Variants in ANK3 observed in about 807,000 individuals in gnomAD.
ANK3 encodes ankyrin-3.
Under a neutral mutation model 370.9 loss-of-function variants are expected in ANK3, and 57 were observed. The ratio of observed to expected loss-of-function variants is 0.15; its 90% CI spans 0.12 to 0.19. The LOEUF (loss-of-function observed/expected upper bound fraction) is 0.19. ANK3 is among the 10% of genes least tolerant of loss of function. The pLI is 1.00. For missense variants in ANK3, 4,439 were observed against 5,302.1 expected (o/e 0.84, Z 5.06); for synonymous variants, 1,929 against 1,946.3 (o/e 0.99, Z 0.23).
intron 1 of ANK3, among the ~76,000 whole-genome samples, chr10:60,324,602 C>A (rs534386265): frequency 1.3e-5 from 2 of 152,236 alleles, no homozygotes; most frequent in South Asian, 4.2e-4. Flanking sequence ...AATGGCCAGT[C>A]AGCTGCAGTT....
intron 1 of ANK3, among the ~76,000 whole-genome samples, chr10:60,315,951 A>G (rs779839817): frequency 2.6e-5 from 4 of 152,318 alleles, no homozygotes; most frequent in African/African-American, 7.2e-5. Flanking sequence ...AAATCTCCTC[A>G]GCTTTTACTC....
chr10:60,054,153 T>C (rs745539250), intron 42 of ANK3, among the ~76,000 whole-genome samples: 1 of 152,234 alleles, frequency 6.6e-6, no homozygotes, highest in Non-Finnish European at 1.5e-5. Flanking sequence ...TGTGTTTGTA[T>C]AGAAATTTGC....
At chr10:60,462,746 C>T (rs376201255) in intron 2 of ANK3, among the ~76,000 whole-genome samples, 5 of 151,862 alleles carry the variant, frequency 3.3e-5, no homozygotes, top group Admixed American at 6.6e-5. Context: ...CCTCACCCCC[C>T]GAGATTCCAA....
At chr10:60,205,462 C>G (rs1167613200) in intron 11 of ANK3, among the ~76,000 whole-genome samples, 1 of 152,142 alleles carries the variant, frequency 6.6e-6, no homozygotes, top group Non-Finnish European at 1.5e-5. Context: ...CTAAACGCCC[C>G]TTGGGGGACA....
rs1564785475 is a variant in ANK3, at chr10:60,072,139, TGA to T, written c.8740_8741del (p.Ser2914ArgfsTer3). 1 of 1,613,848 alleles carries T rather than the reference TGA, an allele frequency of 6.2e-7. No individual in the cohort carries two copies. Among genetic ancestry groups the T allele is most frequent in the African/African-American group, 1.3e-5 (1 of 74,934 alleles). On this transcript the variant is annotated frameshift_variant, in exon 37 of 44. Coordinates refer to ENST00000280772, the MANE Select transcript of ANK3 (RefSeq NM_020987.5). LOFTEE classifies it high-confidence loss of function. ...ATTTTACAGTCATTTCTTTAATTTC[TGA>T]GAGAGAGCCGTTTGTTAACAATTTG... ...ERKLLTNGSL[S>X]EIKEMTVKSP...
intron 25 of ANK3, among the ~76,000 whole-genome samples, chr10:60,116,117 A>G (rs2132118446): frequency 6.6e-6 from 1 of 152,282 alleles, no homozygotes; most frequent in African/African-American, 2.4e-5. Flanking sequence ...ATCCCCTGCC[A>G]TCACTACCAC....
At chr10:60,448,977 A>G (rs922913689) in intron 2 of ANK3, among the ~76,000 whole-genome samples, 8 of 152,348 alleles carry the variant, frequency 5.3e-5, no homozygotes, top group African/African-American at 1.7e-4. Context: ...CTCTTCATTC[A>G]TAACAAATGT....
At position 60,718,614 on chromosome 10, in the gene ANK3, T is replaced by C. The variant is rs1281784053; in HGVS notation, c.57+14649A>G. 3.3e-5 allele frequency among the ~76,000 whole-genome samples: 5 copies of C among 152,176 alleles called. No homozygotes were observed. In the East Asian group the frequency reaches 9.6e-4, roughly 29 times the overall value. On this transcript the variant is annotated intron_variant, in intron 1 of 43. Coordinates refer to the ANK3 transcript ENST00000373827. Reference sequence around the variant, plus strand: ...ACAAAAACTATATGCTCCAGCTCAGTTCCAAATGTAATTTCTAAACAGTAG... The same window carrying C: ...ACAAAAACTATATGCTCCAGCTCAGCTCCAAATGTAATTTCTAAACAGTAG...
At chr10:60,542,248 C>G (rs932092891) in intron 2 of ANK3, among the ~76,000 whole-genome samples, 2 of 151,746 alleles carry the variant, frequency 1.3e-5, no homozygotes, top group African/African-American at 4.8e-5. Context: ...TGAGTCTGCA[C>G]CCTCAGAAAC....
chr10:60,548,205 CCTTTT>C (rs1482100615), intron 2 of ANK3, among the ~76,000 whole-genome samples: 6 of 125,814 alleles, frequency 4.8e-5, no homozygotes, highest in East Asian at 2.5e-4. Flanking sequence ...TTAAATATTT[CCTTTT>C]TTTTTTTTTT....
At chr10:60,275,505 T>C (rs2098076012) in intron 4 of ANK3, among the ~76,000 whole-genome samples, 2 of 152,192 alleles carry the variant, frequency 1.3e-5, no homozygotes, top group African/African-American at 4.8e-5. Flanking sequence ...TTAACTAAGA[T>C]GTTAAGGGTA....
chr10:60,451,633 T>G (rs756976035), intron 2 of ANK3, among the ~76,000 whole-genome samples: 4 of 152,202 alleles, frequency 2.6e-5, no homozygotes, highest in Non-Finnish European at 4.4e-5. Flanking sequence ...CATCCCCAAC[T>G]GCCTATACCT....
intron 2 of ANK3, among the ~76,000 whole-genome samples, chr10:60,484,783 C>T (rs1340493585): frequency 6.6e-6 from 1 of 152,154 alleles, no homozygotes; most frequent in Non-Finnish European, 1.5e-5. Flanking sequence ...CCATTCCTGA[C>T]TCAAAGTTAA....
At chr10:60,147,277 C>G (rs965774747) in intron 23 of ANK3, among the ~76,000 whole-genome samples, 8 of 152,130 alleles carry the variant, frequency 5.3e-5, no homozygotes, top group African/African-American at 1.9e-4. Context: ...GGACTGGAGC[C>G]TCAGAGAAAA....
intron 28 of ANK3, among the ~76,000 whole-genome samples, chr10:60,095,556 C>CT (rs1206289808): frequency 6.6e-6 from 1 of 152,090 alleles, no homozygotes; most frequent in African/African-American, 2.4e-5. Context: ...AATTTCTAAA[C>CT]TTTTTTTGTA....
intron 1 of ANK3, among the ~76,000 whole-genome samples, chr10:60,312,643 T>C (rs2046591977): frequency 6.6e-6 from 1 of 152,218 alleles, no homozygotes; most frequent in Non-Finnish European, 1.5e-5. Flanking sequence ...GAAAAACAGC[T>C]TGTTCAAAGT....
intron 2 of ANK3, among the ~76,000 whole-genome samples, chr10:60,603,284 A>G (rs1430987184): frequency 6.6e-6 from 1 of 152,062 alleles, no homozygotes; most frequent in African/African-American, 2.4e-5. Context: ...CCTAACTAGA[A>G]CCTCACTTGC....
chr10:60,067,021 G>A (rs772112135), intron 38 of ANK3, among the ~76,000 whole-genome samples: 5 of 152,132 alleles, frequency 3.3e-5, no homozygotes, highest in Admixed American at 6.5e-5. Context: ...CCGGGTTCAA[G>A]CGATTCTCCT....
At chr10:60,230,211 C>T (rs955485668) in intron 8 of ANK3, among the ~76,000 whole-genome samples, 4 of 152,108 alleles carry the variant, frequency 2.6e-5, no homozygotes, top group African/African-American at 9.7e-5. Context: ...CTAAAAATGA[C>T]AAGAGACCAT....
Sources: gnomAD v4.1 joint callset for allele counts (sites outside exome capture counted in the v4.1 genomes callset) on GRCh38, gnomAD v4.1.1 for gene constraint, MANE v1.5 for transcripts, NCBI Gene and HGNC (gene_info 2026-07-23, HGNC 2026-07-21) for gene names.